The following TMEM38A variants were observed in gnomAD, a reference collection of about 807,000 sequenced individuals.
TMEM38A encodes trimeric intracellular cation channel type A.
TMEM38A carries 17 observed loss-of-function variants against 28.6 expected under a neutral mutation model. The observed-to-expected ratio is 0.60, with a 90% CI of 0.41 to 0.89. TMEM38A has a LOEUF of 0.89. Ranked by LOEUF, TMEM38A falls within the 40% of genes least tolerant of loss-of-function variation. TMEM38A has a pLI of 0.00. For synonymous variants in TMEM38A, 169 were observed against 166.1 expected, an observed-to-expected ratio of 1.02 and a Z score of -0.14; for missense variants, 328 against 393.1, an observed-to-expected ratio of 0.83 and a Z score of 1.40.
chr19:16,679,880 GTTGGGTGGGCGCTCTGGAT>G, intron 1 of TMEM38A, 85 bp from the exon 2 acceptor site: 1 of 1,282,206 alleles, frequency 7.8e-7, no homozygotes, highest in Non-Finnish European at 1.1e-6. Flanking sequence ...ACTGCACAGT[GTTGGGTGGGCGCTCTGGAT>G]TAGGATAGGC....
intron 1 of TMEM38A, among the ~76,000 whole-genome samples, chr19:16,664,553 A>T (rs1210805470): frequency 6.6e-6 from 1 of 152,188 alleles, no homozygotes; most frequent in African/African-American, 2.4e-5. Flanking sequence ...AGAATTTGCC[A>T]GGCCGATACA....
intron 1 of TMEM38A, among the ~76,000 whole-genome samples, chr19:16,673,617 G>A (rs927079491): frequency 6.6e-6 from 1 of 152,148 alleles, no homozygotes; most frequent in Admixed American, 6.6e-5. Context: ...CTCTAACATG[G>A]TAATGCCCAC....
intron 1 of TMEM38A, among the ~76,000 whole-genome samples, chr19:16,663,852 AC>A (rs998333734): frequency 1.3e-5 from 2 of 148,892 alleles, no homozygotes; most frequent in African/African-American, 4.9e-5. Context: ...GAGCTTTTAA[AC>A]CCCCTATCTC....
rs35543309 is a variant in TMEM38A at position 16,679,252 on chromosome 19, C to CGTGTGTGT, written c.125-693_125-686dup. Among the ~76,000 whole-genome samples, 137 of 128,390 alleles carry CGTGTGTGT rather than the reference C, an allele frequency of 1.1e-3. 1 individual carries two copies. The highest frequency in any genetic ancestry group is 4.1e-3 in the East Asian group (18 of 4,380). 84.2% of individuals were successfully genotyped at this position (128,390 alleles called of 152,430 possible). On this transcript the variant is annotated intron_variant, in intron 1 of 5. Transcript: ENST00000187762. ...GTCAGAATAGCAATTTCTTTTGTTT[C>CGTGTGTGT]GTGTGTGTGTGTGTGTGTGTGTGTG... is the stretch of plus-strand genomic sequence containing the variant.
At chr19:16,666,330 T>G (rs968000500) in intron 1 of TMEM38A, among the ~76,000 whole-genome samples, 3 of 151,694 alleles carry the variant, frequency 2.0e-5, no homozygotes, top group Non-Finnish European at 4.4e-5. Context: ...TTGGTCAGGG[T>G]GGTCTCAAAT....
chr19:16,663,281 GA>G lies in TMEM38A; in HGVS notation c.124+1953del, dbSNP rs1004763350. ...GGGCGACAGAGCAAGACTCTGTCTC[GA>G]AAAAAAAAAAAATCTGAAACTGAGG... On this transcript the variant is annotated intron_variant, in intron 1 of 5. Transcript: ENST00000187762. Among the ~76,000 whole-genome samples the G allele has an allele frequency of 7.2e-3, 1,016 of 141,264 alleles. 13 individuals are homozygous for G. Among genetic ancestry groups the G allele is most frequent in the African/African-American group, 0.022 (862 of 38,808 alleles). The allele number at this position is 141,264 out of a possible 152,430, so 92.7% of individuals were successfully genotyped here. A position where few individuals can be genotyped will look rare whatever the true frequency, so the allele number is the denominator to read the frequency against.
At chr19:16,670,282 T>G (rs945175877) in intron 1 of TMEM38A, among the ~76,000 whole-genome samples, 10 of 150,488 alleles carry the variant, frequency 6.6e-5, no homozygotes, top group East Asian at 1.9e-4. Flanking sequence ...TTTTGTTTTT[T>G]TTTTTTTTTG....
chr19:16,680,668 A>G (rs1313058014), intron 3 of TMEM38A, 87 bp downstream of exon 3: 19 of 1,401,860 alleles, frequency 1.4e-5, no homozygotes, highest in Non-Finnish European at 1.7e-5. Context: ...TAGGAAAGCC[A>G]TTGCTCCAGG....
In TMEM38A at chr19:16,661,769, T is replaced by C. The variant is rs570449376; in HGVS notation, c.124+428T>C. ...GGATTGAGAGCGCCAGCGGAGTGTCTATAAGGGCCACTGCGCTGGGGGCTG... is the reference window on the plus strand; with the variant it reads ...GGATTGAGAGCGCCAGCGGAGTGTCCATAAGGGCCACTGCGCTGGGGGCTG... On this transcript the variant is annotated intron_variant, in intron 1 of 5. Coordinates refer to ENST00000187762, the MANE Select transcript of TMEM38A (RefSeq NM_024074.4). This position sits in a 1 kb window ranked among gnomAD's most constrained non-coding sequence, Gnocchi z 6.5. 1.4e-4 allele frequency among the ~76,000 whole-genome samples: 10 copies of C among 71,532 alleles called. No individual in the cohort carries two copies. Among genetic ancestry groups the C allele is most frequent in the African/African-American group, 5.1e-4 (1 of 1,950 alleles). The allele number at this position is 71,532 out of a possible 152,430, so 46.9% of individuals were successfully genotyped here. A position where few individuals can be genotyped will look rare whatever the true frequency, so the allele number is the denominator to read the frequency against.
Position 16,661,448 on chromosome 19 carries a change from G to C in TMEM38A, c.124+107G>C. 1 of 1,032,270 alleles carries C rather than the reference G, an allele frequency of 9.7e-7. No homozygotes were observed. The highest frequency in any genetic ancestry group is 1.3e-6 in the Non-Finnish European group (1 of 747,364). The allele number at this position is 1,032,270 out of a possible 1,614,324, so 63.9% of individuals were successfully genotyped here. A position where few individuals can be genotyped will look rare whatever the true frequency, so the allele number is the denominator to read the frequency against. On this transcript the variant is annotated intron_variant, in intron 1 of 5. Transcript: ENST00000187762. This position sits in a 1 kb window ranked among gnomAD's most constrained non-coding sequence, Gnocchi z 6.5. ...CCCGTGCGTGGTGGAGGGAGCGAGG[G>C]ACAGGTTCAAGGATTGCATCGTGGG...
chr19:16,681,726 C>T (rs2086782838), intron 3 of TMEM38A, among the ~76,000 whole-genome samples: 1 of 152,120 alleles, frequency 6.6e-6, no homozygotes, highest in Non-Finnish European at 1.5e-5. Context: ...CACTAAATAC[C>T]AGTAGCGCTC....
intron 5 of TMEM38A, among the ~76,000 whole-genome samples, chr19:16,686,688 A>G (rs1032631226): frequency 6.6e-6 from 1 of 152,116 alleles, no homozygotes; most frequent in African/African-American, 2.4e-5. Context: ...GAGGGACAAG[A>G]AGCTGAAATG....
chr19:16,684,577 A>G (rs1456088216), intron 4 of TMEM38A, among the ~76,000 whole-genome samples: 1 of 152,172 alleles, frequency 6.6e-6, no homozygotes, highest in East Asian at 1.9e-4. Context: ...TTTGCAAGGA[A>G]AAAAATAAAA....
chr19:16,684,123 C>G (rs1295089385), intron 4 of TMEM38A, among the ~76,000 whole-genome samples: 1 of 150,872 alleles, frequency 6.6e-6, no homozygotes, highest in African/African-American at 2.5e-5. Flanking sequence ...GAGCAAGACT[C>G]TGTCTCAAAG....
intron 1 of TMEM38A, among the ~76,000 whole-genome samples, chr19:16,677,059 C>A (rs1192350248): frequency 1.4e-5 from 2 of 142,656 alleles, no homozygotes; most frequent in Non-Finnish European, 1.5e-5. Context: ...CCGTGCCCAG[C>A]CCTTTTTTTA....
intron 1 of TMEM38A, among the ~76,000 whole-genome samples, chr19:16,679,182 A>AG (rs1555710102): frequency 7.1e-5 from 10 of 139,882 alleles, no homozygotes; most frequent in Non-Finnish European, 7.6e-5. Flanking sequence ...AAAAAAAAAA[A>AG]AAGAATACCA....
intron 3 of TMEM38A, among the ~76,000 whole-genome samples, chr19:16,681,471 A>G (rs1414350092): frequency 6.6e-6 from 1 of 152,170 alleles, no homozygotes; most frequent in African/African-American, 2.4e-5. Flanking sequence ...GAAAGAGATA[A>G]TTCAACATTA....
chr19:16,661,684 G>A lies in TMEM38A; in HGVS notation c.124+343G>A, dbSNP rs1048560641. ...CGGCTGTGGCGAGGGTGCAGGTGGG[G>A]GTCGGTGCATCTGTTCTGGCCGCGC... On this transcript the variant is annotated intron_variant, in intron 1 of 5. Transcript: ENST00000187762. This position sits in a 1 kb window ranked among gnomAD's most constrained non-coding sequence, Gnocchi z 6.5. Among the ~76,000 whole-genome samples, 55 of 152,146 alleles carry A rather than the reference G, an allele frequency of 3.6e-4. No homozygotes were observed. Among genetic ancestry groups the A allele is most frequent in the Middle Eastern group, 3.4e-3 (1 of 294 alleles).
chr19:16,669,702 CAGG>C (rs940180106), intron 1 of TMEM38A, among the ~76,000 whole-genome samples: 2 of 152,112 alleles, frequency 1.3e-5, no homozygotes. Flanking sequence ...CTCAAAAGCT[CAGG>C]AGGAGAAGAC....
Sources: gnomAD v4.1 joint callset for allele counts (sites outside exome capture counted in the v4.1 genomes callset) on GRCh38, gnomAD v4.1.1 for gene constraint, Gnocchi (gnomAD v3.1) non-coding constraint, MANE v1.5 for transcripts, NCBI Gene and HGNC (gene_info 2026-07-23, HGNC 2026-07-21) for gene names.